RUNX1: variants seen among roughly 807,000 people sequenced by gnomAD.
RUNX1 encodes the protein runt-related transcription factor 1.
In RUNX1, 19 loss-of-function variants were observed where a neutral mutation model predicts 42.8. That is an observed-to-expected ratio of 0.44 (90% CI 0.31 to 0.65). The LOEUF (loss-of-function observed/expected upper bound fraction) is 0.65. RUNX1 is among the 30% of genes least tolerant of loss of function. The pLI is 0.07. For synonymous variants in RUNX1, 271 were observed against 289.4 expected, an observed-to-expected ratio of 0.94 and a Z score of 0.64; for missense variants, 528 against 672.0, an observed-to-expected ratio of 0.79 and a Z score of 2.37.
intron 7 of RUNX1, among the ~76,000 whole-genome samples, chr21:34,827,819 C>T (rs1007214154): frequency 1.3e-5 from 2 of 152,226 alleles, no homozygotes; most frequent in African/African-American, 4.8e-5. Flanking sequence ...AGAATACATG[C>T]TGTGGAAGCA....
rs765756058 is a variant in RUNX1 at position 34,834,605 on chromosome 21, T to C, written c.614-4A>G. 6.2e-7 allele frequency: 1 copy of C among 1,609,930 alleles called. No homozygotes were observed. Among genetic ancestry groups the C allele is most frequent in the Non-Finnish European group, 8.5e-7 (1 of 1,178,894 alleles). ...TCATCTAGTTTCTGCCGATGTCCTA[T>C]TGTGGGGAGCAGGGAGGGGAGGGGA... On this transcript the variant is annotated splice_region_variant and splice_polypyrimidine_tract_variant and intron_variant, in intron 6 of 8. Coordinates refer to ENST00000675419, the MANE Select transcript of RUNX1 (RefSeq NM_001754.5).
At chr21:34,980,342 G>A (rs897911200) in intron 2 of RUNX1, among the ~76,000 whole-genome samples, 1 of 152,210 alleles carries the variant, frequency 6.6e-6, no homozygotes, top group South Asian at 2.1e-4. Flanking sequence ...CATAAGCCAG[G>A]CCAGTATGGG....
Position 34,843,884 on chromosome 21 carries a change from A to G in RUNX1, c.614-9283T>C, listed in dbSNP as rs2146131505. On this transcript the variant is annotated intron_variant, in intron 6 of 8. Coordinates refer to ENST00000675419, the MANE Select transcript of RUNX1 (RefSeq NM_001754.5). This position sits in a 1 kb window ranked among gnomAD's most constrained non-coding sequence, Gnocchi z 4.8. ...CACTGTCCATTTCTGTCTGGTGACT[A>G]AGGAGGTAACTTGAGCTCAGGGCAG... Among the ~76,000 whole-genome samples the G allele has an allele frequency of 6.6e-6, 1 of 152,280 alleles. No individual in the cohort carries two copies. The highest frequency in any genetic ancestry group is 3.4e-3 in the Middle Eastern group (1 of 294).
intron 2 of RUNX1, among the ~76,000 whole-genome samples, chr21:34,904,521 T>C (rs2058202400): frequency 6.6e-6 from 1 of 152,206 alleles, no homozygotes. Context: ...ACCAAAATAT[T>C]ACCACAAATG....
intron 3 of RUNX1, 151 bp from the exon 4 acceptor site, chr21:34,887,247 G>A (rs1364417278): frequency 1.3e-5 from 8 of 639,520 alleles, no homozygotes; most frequent in Non-Finnish European, 1.9e-5. Flanking sequence ...GGGGGTGGGG[G>A]GGGGCGGGGG....
chr21:34,942,532 G>A (rs1367639919), intron 2 of RUNX1, among the ~76,000 whole-genome samples: 3 of 152,174 alleles, frequency 2.0e-5, no homozygotes, highest in African/African-American at 7.2e-5. Context: ...AGCTAGTCTT[G>A]ACTGGGCTTA....
chr21:34,963,174 A>G (rs1410980115), intron 2 of RUNX1, among the ~76,000 whole-genome samples: 2 of 152,142 alleles, frequency 1.3e-5, no homozygotes, highest in East Asian at 3.9e-4. Flanking sequence ...CCCACGAAGA[A>G]CCTAGGGTGC....
chr21:34,840,955 C>T (rs550784944), intron 6 of RUNX1, among the ~76,000 whole-genome samples: 6 of 152,326 alleles, frequency 3.9e-5, no homozygotes, highest in African/African-American at 1.2e-4. Context: ...CCTCTACCAT[C>T]CCAAGGCTGA....
intron 4 of RUNX1, among the ~76,000 whole-genome samples, chr21:34,882,206 A>G (rs950073229): frequency 3.9e-5 from 6 of 152,190 alleles, no homozygotes; most frequent in Non-Finnish European, 7.3e-5. Context: ...TATCGAAGTC[A>G]TGTTTCTCAA....
chr21:34,874,287 T>C lies in RUNX1; in HGVS notation c.508+6270A>G, dbSNP rs142456755. On this transcript the variant is annotated intron_variant, in intron 5 of 8. Transcript: ENST00000675419. ...TCTTTACTGATCTGAACTTGTGTCA[T>C]AATCATCTACAGAAAGAAAACAGCC... Among the ~76,000 whole-genome samples, 28 of 152,086 alleles carry C rather than the reference T, an allele frequency of 1.8e-4. No individual in the cohort carries two copies. The East Asian group carries it at 5.2e-3, about 28-fold the overall frequency.
chr21:34,981,786 A>G (rs1294471829), intron 2 of RUNX1, among the ~76,000 whole-genome samples: 2 of 152,100 alleles, frequency 1.3e-5, no homozygotes, highest in Non-Finnish European at 2.9e-5. Flanking sequence ...TCTTTTCACT[A>G]TAATAATATG....
chr21:34,924,111 G>C (rs2058374992), intron 2 of RUNX1, among the ~76,000 whole-genome samples: 1 of 152,108 alleles, frequency 6.6e-6, no homozygotes, highest in African/African-American at 2.4e-5. Flanking sequence ...TGGTGGTTTT[G>C]CCTCTTCCCC....
intron 7 of RUNX1, among the ~76,000 whole-genome samples, chr21:34,805,982 A>G (rs1208823609): frequency 3.3e-5 from 5 of 152,218 alleles, no homozygotes; most frequent in Admixed American, 3.3e-4. Flanking sequence ...ACATTTTTAA[A>G]AAGAATGATT....
rs1158303400 is a variant in RUNX1 at position 34,901,867 on chromosome 21, C to G, written c.59-8904G>C. Among the ~76,000 whole-genome samples the G allele has an allele frequency of 6.6e-6, 1 of 152,126 alleles. No homozygotes were observed. Among genetic ancestry groups the G allele is most frequent in the African/African-American group, 2.4e-5 (1 of 41,410 alleles). On this transcript the variant is annotated intron_variant, in intron 2 of 8. Coordinates refer to ENST00000675419, the MANE Select transcript of RUNX1 (RefSeq NM_001754.5). This position sits in a 1 kb window ranked among gnomAD's most constrained non-coding sequence, Gnocchi z 4.3. ...CCATGGCTTTCAGTTCCCTAATTGG[C>G]GAATGTCACACTAGTAAGATTTTCT...
At chr21:34,816,265 A>C (rs2056824772) in intron 7 of RUNX1, among the ~76,000 whole-genome samples, 1 of 152,214 alleles carries the variant, frequency 6.6e-6, no homozygotes, top group Non-Finnish European at 1.5e-5. Context: ...CTTTCTCTGC[A>C]GCTCTGGGCT....
chr21:34,822,018 A>G (rs772719384), intron 7 of RUNX1, among the ~76,000 whole-genome samples: 1 of 152,242 alleles, frequency 6.6e-6, no homozygotes, highest in African/African-American at 2.4e-5. Flanking sequence ...CAGCAGAACT[A>G]TAAAGGCTCC....
At chr21:34,829,165 C>A (rs1319798008) in intron 7 of RUNX1, among the ~76,000 whole-genome samples, 1 of 152,180 alleles carries the variant, frequency 6.6e-6, no homozygotes, top group Non-Finnish European at 1.5e-5. Flanking sequence ...TCTTTCTTAG[C>A]CACTATGATC....
At chr21:34,833,297 G>C (rs572964577) in intron 7 of RUNX1, 1 of 152,294 alleles carries the variant, frequency 6.6e-6, no homozygotes, top group East Asian at 1.9e-4. Context: ...GTAGAGTTGG[G>C]GTTTCACCAT....
At chr21:34,835,860 G>A (rs138870622) in intron 6 of RUNX1, among the ~76,000 whole-genome samples, 4 of 152,168 alleles carry the variant, frequency 2.6e-5, no homozygotes, top group Non-Finnish European at 5.9e-5. Flanking sequence ...TTCCACTCCC[G>A]CAGCCTGGGG....
Sources: gnomAD v4.1 joint callset for allele counts (sites outside exome capture counted in the v4.1 genomes callset) on GRCh38, gnomAD v4.1.1 for gene constraint, Gnocchi (gnomAD v3.1) non-coding constraint, MANE v1.5 for transcripts, NCBI Gene and HGNC (gene_info 2026-07-23, HGNC 2026-07-21) for gene names.